The following DPF3 variants were observed in gnomAD, a reference collection of about 807,000 sequenced individuals.
DPF3 encodes the protein zinc finger protein DPF3.
A neutral mutation model predicts 56.8 loss-of-function variants in DPF3; 18 were observed. The observed-to-expected ratio is 0.32, with a 90% CI of 0.22 to 0.47. DPF3 has a LOEUF of 0.47. Among genes scored for constraint, DPF3 ranks in the 20% least tolerant of loss-of-function variants. DPF3 has a pLI of 1.00. For synonymous variants in DPF3, 188 were observed against 180.2 expected (o/e 1.04, Z -0.35); for missense variants, 403 against 488.8 (o/e 0.82, Z 1.65).
chr14:72,704,388 C>A (rs1232216930), intron 6 of DPF3, among the ~76,000 whole-genome samples: 5 of 152,160 alleles, frequency 3.3e-5, no homozygotes, highest in African/African-American at 1.2e-4. Flanking sequence ...CTGAGGCAGC[C>A]CCCAGGCATC....
chr14:72,697,462 A>AC (rs758510903), intron 6 of DPF3, among the ~76,000 whole-genome samples: 1 of 152,178 alleles, frequency 6.6e-6, no homozygotes, highest in Non-Finnish European at 1.5e-5. Flanking sequence ...CATGAGCAGG[A>AC]CTTCAGCAGG....
At chr14:72,627,334 G>A (rs1884893985) in intron 9 of DPF3, among the ~76,000 whole-genome samples, 1 of 152,056 alleles carries the variant, frequency 6.6e-6, no homozygotes, top group African/African-American at 2.4e-5. Context: ...TATGTATGGT[G>A]TAAGATATAA....
intron 6 of DPF3, among the ~76,000 whole-genome samples, chr14:72,695,990 C>CA (rs1417337907): frequency 2.6e-5 from 4 of 152,126 alleles, no homozygotes; most frequent in African/African-American, 9.7e-5. Flanking sequence ...AAGCTGGACC[C>CA]AAAGAGGCCC....
chr14:72,802,565 C>T (rs1282237873), intron 1 of DPF3, among the ~76,000 whole-genome samples: 1 of 152,144 alleles, frequency 6.6e-6, no homozygotes, highest in East Asian at 1.9e-4. Context: ...GAGCACATAC[C>T]TCAAGGCACA....
intron 1 of DPF3, among the ~76,000 whole-genome samples, chr14:72,810,333 T>C (rs1567240709): frequency 6.6e-6 from 1 of 152,080 alleles, no homozygotes; most frequent in Non-Finnish European, 1.5e-5. Flanking sequence ...CTGTCAGAGA[T>C]ATGCACTGCA....
chr14:72,840,094 T>C (rs925365972), intron 1 of DPF3, among the ~76,000 whole-genome samples: 42 of 152,306 alleles, frequency 2.8e-4, no homozygotes, highest in African/African-American at 9.9e-4. Context: ...ACACAGTACA[T>C]ACGCACAGCA....
At chr14:72,654,930 A>T (rs1886021035) in intron 8 of DPF3, among the ~76,000 whole-genome samples, 1 of 152,204 alleles carries the variant, frequency 6.6e-6, no homozygotes, top group Admixed American at 6.5e-5. Flanking sequence ...ACGGACAAAA[A>T]GTTGAGATCT....
chr14:72,721,381 G>T (rs912161766), intron 5 of DPF3, among the ~76,000 whole-genome samples: 2 of 152,208 alleles, frequency 1.3e-5, no homozygotes, highest in Non-Finnish European at 2.9e-5. Flanking sequence ...TTTGGTTGGG[G>T]TGAGAGAAGG....
At chr14:72,651,669 C>A (rs571119149) in intron 8 of DPF3, among the ~76,000 whole-genome samples, 1 of 151,722 alleles carries the variant, frequency 6.6e-6, no homozygotes, top group Admixed American at 6.6e-5. Flanking sequence ...TGAAGTAGTA[C>A]AACCAAATGA....
At chr14:72,790,811 C>T (rs1403594419) in intron 1 of DPF3, among the ~76,000 whole-genome samples, 3 of 152,196 alleles carry the variant, frequency 2.0e-5, no homozygotes, top group South Asian at 2.1e-4. Flanking sequence ...TCTCCCCCCT[C>T]AAGAGCCCCA....
intron 5 of DPF3, 108 bp downstream of exon 5, chr14:72,723,525 T>G: frequency 1.0e-6 from 1 of 971,406 alleles, no homozygotes. Flanking sequence ...GCGTTCTCCA[T>G]GTAAGACCAT....
intron 1 of DPF3, among the ~76,000 whole-genome samples, chr14:72,852,103 C>T (rs1445900241): frequency 1.3e-5 from 2 of 152,262 alleles, no homozygotes; most frequent in African/African-American, 2.4e-5. Context: ...GAGCACCGGG[C>T]TTTCAGCCCC....
chr14:72,797,473 T>C (rs538203423), intron 1 of DPF3, among the ~76,000 whole-genome samples: 1 of 152,370 alleles, frequency 6.6e-6, no homozygotes, highest in East Asian at 1.9e-4. Flanking sequence ...ATAAAAGTCC[T>C]GGCATGTAAT....
At chr14:72,788,966 T>C (rs1892320709) in intron 1 of DPF3, among the ~76,000 whole-genome samples, 1 of 152,212 alleles carries the variant, frequency 6.6e-6, no homozygotes. Context: ...ATTAATTTTA[T>C]CTTCTAGTCT....
intron 8 of DPF3, among the ~76,000 whole-genome samples, chr14:72,644,398 A>G (rs1885652289): frequency 2.0e-5 from 3 of 152,228 alleles, no homozygotes; most frequent in Admixed American, 6.5e-5. Flanking sequence ...CTGACAATCA[A>G]ACAAATATTT....
chr14:72,713,593 G>A (rs757886179), intron 6 of DPF3, among the ~76,000 whole-genome samples: 2 of 152,216 alleles, frequency 1.3e-5, no homozygotes, highest in Non-Finnish European at 1.5e-5. Flanking sequence ...AGGAGAAGAC[G>A]GCAAGTGAAG....
intron 8 of DPF3, chr14:72,661,161 T>C (rs1049758673): frequency 1.0e-6 from 1 of 985,392 alleles, no homozygotes; most frequent in Non-Finnish European, 1.2e-6. Context: ...TGGGAGTTGG[T>C]TGGAAAGCAG....
chr14:72,642,616 T>C (rs562183353), intron 8 of DPF3, among the ~76,000 whole-genome samples: 1 of 152,292 alleles, frequency 6.6e-6, no homozygotes, highest in South Asian at 2.1e-4. Context: ...GTTTCCTGGG[T>C]CCAACTTGTT....
intron 6 of DPF3, among the ~76,000 whole-genome samples, chr14:72,712,230 C>T (rs952692247): frequency 1.3e-5 from 2 of 152,080 alleles, no homozygotes; most frequent in African/African-American, 2.4e-5. Flanking sequence ...GGGAGGGCAT[C>T]GAGAGAAGCA....
Sources: gnomAD v4.1 joint callset for allele counts (sites outside exome capture counted in the v4.1 genomes callset) on GRCh38, gnomAD v4.1.1 for gene constraint, MANE v1.5 for transcripts, NCBI Gene and HGNC (gene_info 2026-07-23, HGNC 2026-07-21) for gene names.